The following CDS2 variants were observed in gnomAD, a reference collection of about 807,000 sequenced individuals.
CDS2 encodes the protein CDP-diacylglycerol synthase 2.
A neutral mutation model predicts 59.0 loss-of-function variants in CDS2; 47 were observed. The observed-to-expected ratio is 0.80, with a 90% CI of 0.63 to 1.02. The LOEUF (loss-of-function observed/expected upper bound fraction) is 1.02. Among genes scored for constraint, CDS2 ranks in the 50% least tolerant of loss-of-function variants. The pLI is 0.00. For missense variants in CDS2, 356 were observed against 558.9 expected, an observed-to-expected ratio of 0.64 and a Z score of 3.66; for synonymous variants, 207 against 206.4, an observed-to-expected ratio of 1.00 and a Z score of -0.02.
chr20:5,133,816 C>T (rs375563450), intron 1 of CDS2, among the ~76,000 whole-genome samples: 4 of 152,272 alleles, frequency 2.6e-5, no homozygotes, highest in South Asian at 2.1e-4. Flanking sequence ...TGAGCCACCG[C>T]GCCTGGCCTA....
At chr20:5,132,864 T>C (rs2090618544) in intron 1 of CDS2, among the ~76,000 whole-genome samples, 2 of 152,166 alleles carry the variant, frequency 1.3e-5, no homozygotes, top group African/African-American at 4.8e-5. Context: ...CAGGTTAACA[T>C]GGTATTTCAT....
intron 1 of CDS2, among the ~76,000 whole-genome samples, chr20:5,145,764 A>G (rs1025115918): frequency 1.2e-4 from 18 of 150,168 alleles, no homozygotes; most frequent in African/African-American, 3.7e-4. Flanking sequence ...GGCCCAAAGC[A>G]TGGGCTTTAT....
intron 9 of CDS2, 79 bp from the exon 10 acceptor site, chr20:5,186,608 T>C: frequency 6.7e-7 from 1 of 1,502,066 alleles, no homozygotes; most frequent in Admixed American, 1.7e-5. Flanking sequence ...CTCAGGAACA[T>C]GGCCAAACCA....
At chr20:5,164,016 C>T (rs1263562922) in intron 1 of CDS2, among the ~76,000 whole-genome samples, 1 of 152,060 alleles carries the variant, frequency 6.6e-6, no homozygotes, top group Non-Finnish European at 1.5e-5. Flanking sequence ...GTCTTGAACT[C>T]CTGACCTCAG....
Position 5,196,325 on chromosome 20 carries a change from AC to A in CDS2, c.*6093del, listed in dbSNP as rs1225549276. On this transcript the variant is annotated 3_prime_UTR_variant, in exon 13 of 13. Coordinates refer to ENST00000460006, the MANE Select transcript of CDS2 (RefSeq NM_003818.4). ...CCTCCCTCATTGTGTTGTTGAATAG[AC>A]CTAGGCAGCCTTGTATCCATAGAAA... The A allele has an allele frequency of 1.3e-5, 2 of 151,856 alleles. No individual in the cohort carries two copies. Among genetic ancestry groups the A allele is most frequent in the Non-Finnish European group, 2.9e-5 (2 of 68,042 alleles). 9.4% of individuals were successfully genotyped at this position (151,856 alleles called of 1,614,324 possible).
intron 1 of CDS2, among the ~76,000 whole-genome samples, chr20:5,137,463 G>A (rs567028073): frequency 1.3e-5 from 2 of 151,522 alleles, no homozygotes; most frequent in South Asian, 2.1e-4. Flanking sequence ...GGCTGGTGTC[G>A]AAGGCCTGAC....
intron 1 of CDS2, among the ~76,000 whole-genome samples, chr20:5,154,459 CT>C (rs2090817117): frequency 6.6e-6 from 1 of 152,204 alleles, no homozygotes; most frequent in Non-Finnish European, 1.5e-5. Context: ...TAAACAAAGT[CT>C]CTTCCACTCT....
intron 1 of CDS2, among the ~76,000 whole-genome samples, chr20:5,166,741 G>A (rs1044997392): frequency 2.0e-5 from 3 of 152,216 alleles, no homozygotes; most frequent in African/African-American, 7.2e-5. Flanking sequence ...AACGAGGTGA[G>A]GACTGAGTCC....
At chr20:5,173,911 AG>A (rs2090975242) in intron 2 of CDS2, among the ~76,000 whole-genome samples, 1 of 152,220 alleles carries the variant, frequency 6.6e-6, no homozygotes, top group African/African-American at 2.4e-5. Context: ...AGACTGGACT[AG>A]GAAGTGCAGT....
At chr20:5,171,839 A>T (rs778241896) in intron 1 of CDS2, among the ~76,000 whole-genome samples, 1 of 152,182 alleles carries the variant, frequency 6.6e-6, no homozygotes, top group Non-Finnish European at 1.5e-5. Context: ...GTGGCAGAGT[A>T]GGGAGCAGTC....
intron 1 of CDS2, among the ~76,000 whole-genome samples, chr20:5,143,800 T>C (rs2090716827): frequency 6.7e-6 from 1 of 150,262 alleles, no homozygotes; most frequent in African/African-American, 2.5e-5. Context: ...AGTCTTGCTC[T>C]GTCATCCAGG....
intron 1 of CDS2, among the ~76,000 whole-genome samples, chr20:5,167,645 G>C (rs2090922715): frequency 6.6e-6 from 1 of 151,972 alleles, no homozygotes; most frequent in African/African-American, 2.4e-5. Context: ...ACTTATTAAG[G>C]ATGCTTATTA....
chr20:5,159,528 T>C (rs1416040810), intron 1 of CDS2, among the ~76,000 whole-genome samples: 2 of 152,138 alleles, frequency 1.3e-5, no homozygotes, highest in Admixed American at 6.5e-5. Flanking sequence ...TGTAAACAAG[T>C]GTAAGGAATC....
At chr20:5,183,023 A>G in intron 6 of CDS2, 38 bp from the exon 7 acceptor site, 3 of 1,538,490 alleles carry the variant, frequency 1.9e-6, no homozygotes, top group Non-Finnish European at 2.7e-6. Context: ...CTTTCAAGGT[A>G]AACTGGTAAG....
chr20:5,162,349 G>A lies in CDS2; in HGVS notation c.58-11174G>A, dbSNP rs1447094659. ...ATGCAAATATTCCAAATTCTGAAAAGAACTCTGAAATGCAAAACACTTCCG... is the reference window on the plus strand; with the variant it reads ...ATGCAAATATTCCAAATTCTGAAAAAAACTCTGAAATGCAAAACACTTCCG... On this transcript the variant is annotated intron_variant, in intron 1 of 12. Transcript: ENST00000460006. Among the ~76,000 whole-genome samples the A allele has an allele frequency of 2.0e-5, 3 of 152,262 alleles. No homozygotes were observed. In the East Asian group the frequency reaches 5.8e-4, roughly 29 times the overall value.
At chr20:5,147,809 G>T (rs1322804872) in intron 1 of CDS2, among the ~76,000 whole-genome samples, 1 of 152,028 alleles carries the variant, frequency 6.6e-6, no homozygotes, top group Non-Finnish European at 1.5e-5. Flanking sequence ...CTCCTGAGTG[G>T]CTGGGACTAT....
chr20:5,185,896 T>C, intron 9 of CDS2, 70 bp downstream of exon 9: 1 of 1,425,524 alleles, frequency 7.0e-7, no homozygotes, highest in Non-Finnish European at 9.9e-7. Context: ...CCAAGGCCTG[T>C]CCAGAGCTGG....
chr20:5,129,922 A>C (rs546053442), intron 1 of CDS2, among the ~76,000 whole-genome samples: 2 of 152,070 alleles, frequency 1.3e-5, no homozygotes, highest in African/African-American at 4.8e-5. Flanking sequence ...AAACTGTGAA[A>C]TCTATTATTT....
intron 1 of CDS2, among the ~76,000 whole-genome samples, chr20:5,159,729 CA>C (rs978838329): frequency 1.7e-4 from 26 of 151,914 alleles, no homozygotes; most frequent in African/African-American, 6.3e-4. Flanking sequence ...AAATATATAC[CA>C]AACTGGGTTC....
Sources: allele counts gnomAD v4.1 joint callset (sites outside exome capture counted in the v4.1 genomes callset), GRCh38; gene constraint gnomAD v4.1.1; transcripts MANE v1.5; gene names NCBI Gene and HGNC (gene_info 2026-07-23, HGNC 2026-07-21).